E4F1: variants seen among roughly 807,000 people sequenced by gnomAD.
E4F1 encodes transcription factor E4F1.
In E4F1, 30 loss-of-function variants were observed where a neutral mutation model predicts 72.9. The ratio of observed to expected loss-of-function variants is 0.41; its 90% confidence interval spans 0.31 to 0.56. The LOEUF (loss-of-function observed/expected upper bound fraction) is 0.56. Ranked by LOEUF, E4F1 falls within the 20% of genes least tolerant of loss-of-function variation. The pLI, the probability that E4F1 is intolerant of heterozygous loss-of-function variation, is 0.25. For missense variants in E4F1, 1,091 were observed against 1,117.5 expected, an observed-to-expected ratio of 0.98 and a Z score of 0.34; for synonymous variants, 542 against 478.2, an observed-to-expected ratio of 1.13 and a Z score of -1.74.
chr16:2,233,455 G>T lies in E4F1; in HGVS notation c.1074G>T (p.Glu358Asp). 6.6e-7 allele frequency: 1 copy of T among 1,505,082 alleles called. No homozygotes were observed. Among genetic ancestry groups the T allele is most frequent in the Non-Finnish European group, 8.8e-7 (1 of 1,132,258 alleles). 93.2% of individuals were successfully genotyped at this position (1,505,082 alleles called of 1,614,324 possible). ...CCCTGCAGCCCCCCGTCTCCCAGGA[G>T]CTCCCCTGCTCCAGCGAGGGCAGCC... ...ALAPEPPVSQ[E>D]LPCSSEGSRE... Residue 358 changes from glutamate (E) to aspartate (D), a missense_variant, in exon 8 of 14, where the codon GAG becomes GAT. Transcript: ENST00000301727.
intron 2 of E4F1, among the ~76,000 whole-genome samples, chr16:2,229,221 G>GGGAC (rs1178171563): frequency 6.6e-5 from 10 of 152,364 alleles, no homozygotes; most frequent in Non-Finnish European, 1.3e-4. Flanking sequence ...TCTGCCGGAT[G>GGGAC]TGGCGGGCTG....
At position 2,232,363 on chromosome 16, in the gene E4F1, C is replaced by G. The variant is rs1040167793; in HGVS notation, c.608C>G (p.Thr203Arg). 6.2e-7 allele frequency: 1 copy of G among 1,600,722 alleles called. No individual in the cohort carries two copies. The highest frequency in any genetic ancestry group is 8.5e-7 in the Non-Finnish European group (1 of 1,171,854). Residue 203 changes from threonine (T) to arginine (R), a missense_variant and splice_region_variant, in exon 4 of 14, where the codon ACG (threonine) becomes AGG (arginine). Thr to Arg is a moderately conservative substitution (Grantham distance 71, BLOSUM62 -1). Transcript: ENST00000301727. Reference sequence around the variant, plus strand: ...GCGCTGTGCCACAAGACCTTCAAGACGGTGAGCCGGCGTGCGGGGAGCCAG... The same window carrying G: ...GCGCTGTGCCACAAGACCTTCAAGAGGGTGAGCCGGCGTGCGGGGAGCCAG... ...VCALCHKTFK[T>R]GSILKAHMVT...
At position 2,232,812 on chromosome 16, in the gene E4F1, C is replaced by G. The variant is rs1269707986; in HGVS notation, c.787C>G (p.Leu263Val). ...AAAGAGCTTCCGGGAGTCGGGTGCA[C>G]TGACCCGGCACCTCAAGTCTCTCAC... ...CGKSFRESGA[L>V]TRHLKSLTPC... Residue 263 changes from leucine (L) to valine (V), a missense_variant, in exon 6 of 14, where the codon CTG becomes GTG. Coordinates refer to ENST00000301727, the MANE Select transcript of E4F1 (RefSeq NM_004424.5). The G allele has an allele frequency of 6.2e-7, 1 of 1,613,348 alleles. No individual in the cohort carries two copies. The highest frequency in any genetic ancestry group is 8.5e-7 in the Non-Finnish European group (1 of 1,180,030).
At chr16:2,223,801 G>T in intron 1 of E4F1, 31 bp downstream of exon 1, 2 of 1,535,850 alleles carry the variant, frequency 1.3e-6, no homozygotes. Flanking sequence ...GGTGCGGCCG[G>T]GGTGCGGGCA....
intron 3 of E4F1, chr16:2,230,055 A>C: frequency 7.8e-6 from 2 of 256,606 alleles, no homozygotes; most frequent in Non-Finnish European, 8.1e-6. Context: ...AGAATGGCCC[A>C]CTCGCCCAGC....
In E4F1 at chr16:2,235,383, G is replaced by C; in HGVS notation, c.2166G>C (p.Gln722His). Residue 722 changes from glutamine (Q) to histidine (H), a missense_variant, in exon 14 of 14, where the codon CAG becomes CAC. By Grantham distance (24) the Gln-to-His change is conservative. Around this residue, in one of 5 missense-constraint regions of E4F1, gnomAD observed 622 missense variants for 628.0 expected, o/e 0.99. Coordinates refer to ENST00000301727, the MANE Select transcript of E4F1 (RefSeq NM_004424.5). ...CCACCCCCGAGAGCCTGACAGAGCA[G>C]GTGGCCATGACGCTGGCCTCGGCCA... Reference protein sequence around the residue: ...TIATPESLTEQVAMTLASAIS... With the variant: ...TIATPESLTEHVAMTLASAIS... 3 of 1,611,018 alleles carry C rather than the reference G, an allele frequency of 1.9e-6. No individual in the cohort carries two copies. Among genetic ancestry groups the C allele is most frequent in the Non-Finnish European group, 2.5e-6 (3 of 1,179,934 alleles).
At chr16:2,226,018 A>G (rs957593340) in intron 1 of E4F1, among the ~76,000 whole-genome samples, 3 of 151,922 alleles carry the variant, frequency 2.0e-5, no homozygotes, top group Non-Finnish European at 4.4e-5. Flanking sequence ...GCATGAGCCC[A>G]GGAGGCAGAG....
chr16:2,226,697 G>A (rs2093434766), intron 1 of E4F1, among the ~76,000 whole-genome samples: 1 of 152,232 alleles, frequency 6.6e-6, no homozygotes, highest in Non-Finnish European at 1.5e-5. Flanking sequence ...TGGTGACCTT[G>A]AACTTCAGGT....
chr16:2,227,563 G>T (rs967186518), intron 1 of E4F1, among the ~76,000 whole-genome samples: 1 of 152,044 alleles, frequency 6.6e-6, no homozygotes, highest in African/African-American at 2.4e-5. Context: ...TAGTAGAGAC[G>T]GGGTTTCACG....
rs1422310297 is a variant in E4F1, at chr16:2,233,032, G to T, written c.905G>T (p.Gly302Val). 6.2e-7 allele frequency: 1 copy of T among 1,608,702 alleles called. No individual in the cohort carries two copies. Among genetic ancestry groups the T allele is most frequent in the Non-Finnish European group, 8.5e-7 (1 of 1,176,372 alleles). The stretch of plus-strand genomic sequence containing the variant: ...GAAGGTTCTGGAGCTGGAGCTGCCG[G>T]CTTGGGGACAGCCACATCATCGGTG... ...ARAGSGAGAA[G>V]LGTATSSVTG... The change falls in exon 7 of 14, where the codon GGC (glycine) becomes GTC (valine). Residue 302 changes from glycine (G) to valine (V), a missense_variant. Around this residue, in one of 5 missense-constraint regions of E4F1, gnomAD observed 101 missense variants for 97.4 expected, o/e 1.04. Coordinates refer to ENST00000301727, the MANE Select transcript of E4F1 (RefSeq NM_004424.5).
chr16:2,233,517 G>A lies in E4F1; in HGVS notation c.1136G>A (p.Gly379Asp). 1.3e-6 allele frequency: 2 copies of A among 1,518,752 alleles called. No homozygotes were observed. Among genetic ancestry groups the A allele is most frequent in the South Asian group, 1.3e-5 (1 of 78,040 alleles). 94.1% of individuals were successfully genotyped at this position (1,518,752 alleles called of 1,614,324 possible). A position where few individuals can be genotyped will look rare whatever the true frequency, so the allele number is the denominator to read the frequency against. ...CTGCACCAGGCCATGCAGAACTCCG[G>A]CATCGTCCTTGAGCGCGCTGCTGGG... The part of the protein sequence containing the change: ...NLLHQAMQNS[G>D]IVLERAAGEE... Residue 379 changes from glycine (G) to aspartate (D), a missense_variant, in exon 8 of 14, where the codon GGC becomes GAC. Gly to Asp is a moderately conservative substitution (Grantham distance 94). This residue lies in a region of E4F1 where 622 missense variants were observed against 628.0 expected (regional missense o/e 0.99). Coordinates refer to ENST00000301727, the MANE Select transcript of E4F1 (RefSeq NM_004424.5).
intron 1 of E4F1, among the ~76,000 whole-genome samples, chr16:2,226,905 C>T (rs2093435885): frequency 6.6e-6 from 1 of 152,236 alleles, no homozygotes; most frequent in Non-Finnish European, 1.5e-5. Context: ...GGTTGTGGGT[C>T]AGCTCCCTGC....
chr16:2,234,751 G>C lies in E4F1; in HGVS notation c.1762G>C (p.Gly588Arg). 6.4e-7 allele frequency: 1 copy of C among 1,551,732 alleles called. No individual in the cohort carries two copies. Among genetic ancestry groups the C allele is most frequent in the Non-Finnish European group, 8.7e-7 (1 of 1,148,240 alleles). Residue 588 changes from glycine to arginine, a missense_variant, in exon 11 of 14, where the codon GGC becomes CGC. Physicochemically the swap from Gly to Arg is moderately radical, Grantham distance 125 (BLOSUM62 -2). Coordinates refer to ENST00000301727, the MANE Select transcript of E4F1 (RefSeq NM_004424.5). Reference protein sequence around the residue: ...YKCGRGFAEHGTLNRHLRTKG... With the variant: ...YKCGRGFAEHRTLNRHLRTKG... ...GTGCGGCCGTGGCTTCGCCGAGCAC[G>C]GCACGCTGAACCGGCACCTGCGCAC...
chr16:2,233,438 C>T lies in E4F1; in HGVS notation c.1057C>T (p.Pro353Ser). ...CCTCCTCTCTCTGCCTCCCCTGCAG[C>T]CCCCCGTCTCCCAGGAGCTCCCCTG... ...SLGMKALAPE[P>S]PVSQELPCSS... is the part of the protein sequence containing the mutation. The change falls in exon 8 of 14, where the codon CCC (proline) becomes TCC (serine). Residue 353 changes from proline to serine, a missense_variant and splice_region_variant. By Grantham distance (74) the Pro-to-Ser change is moderately conservative. Transcript: ENST00000301727. 1.3e-6 allele frequency: 2 copies of T among 1,507,790 alleles called. No individual in the cohort carries two copies. Among genetic ancestry groups the T allele is most frequent in the Non-Finnish European group, 1.8e-6 (2 of 1,134,702 alleles). 93.4% of individuals were successfully genotyped at this position (1,507,790 alleles called of 1,614,324 possible). A position where few individuals can be genotyped will look rare whatever the true frequency, so the allele number is the denominator to read the frequency against.
intron 2 of E4F1, 109 bp downstream of exon 2, chr16:2,228,632 C>A: frequency 7.3e-7 from 1 of 1,376,292 alleles, no homozygotes; most frequent in Non-Finnish European, 9.9e-7. Context: ...GCCACGTGGG[C>A]GGGCAGAGGG....
chr16:2,226,831 G>T (rs1298704126), intron 1 of E4F1, among the ~76,000 whole-genome samples: 1 of 152,198 alleles, frequency 6.6e-6, no homozygotes, highest in Non-Finnish European at 1.5e-5. Flanking sequence ...ACCGGGGTCC[G>T]GCACAGCAAT....
At position 2,234,910 on chromosome 16, in the gene E4F1, C is replaced by A. The variant is rs1230976886; in HGVS notation, c.1844C>A (p.Ala615Glu). 6 of 1,553,194 alleles carry A rather than the reference C, an allele frequency of 3.9e-6. No homozygotes were observed. Among genetic ancestry groups the A allele is most frequent in the African/African-American group, 1.4e-5 (1 of 73,224 alleles). Reference protein sequence around the residue: ...EELLVSEDSPAAATTVLTEDP... With the variant: ...EELLVSEDSPEAATTVLTEDP... ...TTGCTGGTGTCTGAGGACAGCCCCGCGGCAGCCACCACCGTCCTCACGGAA... is the reference window on the plus strand; with the variant it reads ...TTGCTGGTGTCTGAGGACAGCCCCGAGGCAGCCACCACCGTCCTCACGGAA... Residue 615 changes from alanine (A) to glutamate (E), a missense_variant, in exon 12 of 14, where the codon GCG becomes GAG. This residue lies in a region of E4F1 where 622 missense variants were observed against 628.0 expected (regional missense o/e 0.99). Coordinates refer to ENST00000301727, the MANE Select transcript of E4F1 (RefSeq NM_004424.5).
Position 2,235,161 on chromosome 16 carries a change from C to A in E4F1, c.1998+18C>A, listed in dbSNP as rs774597354. ...AGACAGAGGTGAGGGGTAGGGCAGGCGGGGGCGGGGAGGCTCCCTGGCACA... is the reference window on the plus strand; with the variant it reads ...AGACAGAGGTGAGGGGTAGGGCAGGAGGGGGCGGGGAGGCTCCCTGGCACA... On this transcript the variant is annotated intron_variant, in intron 13 of 13. Coordinates refer to ENST00000301727, the MANE Select transcript of E4F1 (RefSeq NM_004424.5). 1 of 1,560,526 alleles carries A rather than the reference C, an allele frequency of 6.4e-7. No homozygotes were observed. Among genetic ancestry groups the A allele is most frequent in the East Asian group, 2.3e-5 (1 of 44,048 alleles).
chr16:2,228,650 C>T (rs2093447206), intron 2 of E4F1, 127 bp downstream of exon 2: 3 of 1,234,764 alleles, frequency 2.4e-6, no homozygotes, highest in Non-Finnish European at 3.4e-6. Context: ...GGGCAGGCAC[C>T]TGGCTGCGGT....
Sources: gnomAD v4.1 joint callset for allele counts (sites outside exome capture counted in the v4.1 genomes callset) on GRCh38, gnomAD v4.1.1 for gene constraint, gnomAD v4.1.1 regional missense constraint, MANE v1.5 for transcripts, NCBI Gene and HGNC (gene_info 2026-07-23, HGNC 2026-07-21) for gene names.